The following PARD3 variants were observed in gnomAD, a reference collection of about 807,000 sequenced individuals.
The protein encoded by PARD3 is partitioning defective 3 homolog.
In PARD3, 75 loss-of-function variants were observed where a neutral mutation model predicts 155.4. The observed-to-expected ratio is 0.48, with a 90% CI of 0.40 to 0.58. The LOEUF (loss-of-function observed/expected upper bound fraction) is 0.58, where lower values mean the gene tolerates loss of function less well. Among genes scored for constraint, PARD3 ranks in the 20% least tolerant of loss-of-function variants. PARD3 has a pLI of 0.00. For synonymous variants in PARD3, 576 were observed against 610.5 expected (o/e 0.94, Z 0.83); for missense variants, 1,642 against 1,721.7 (o/e 0.95, Z 0.82).
chr10:34,651,299 G>C (rs935679831), intron 2 of PARD3, among the ~76,000 whole-genome samples: 1 of 152,140 alleles, frequency 6.6e-6, no homozygotes, highest in Non-Finnish European at 1.5e-5. Context: ...CTTAAGACTA[G>C]TCTTTCTCTC....
chr10:34,259,218 C>G (rs919555246), intron 22 of PARD3, among the ~76,000 whole-genome samples: 1 of 152,084 alleles, frequency 6.6e-6, no homozygotes, highest in Non-Finnish European at 1.5e-5. Flanking sequence ...GAAACAAATA[C>G]ACGATGGGTA....
Position 34,380,421 on chromosome 10 carries a change from A to G in PARD3, c.1399+2119T>C, listed in dbSNP as rs921548940. 1.6e-4 allele frequency among the ~76,000 whole-genome samples: 24 copies of G among 152,154 alleles called. 1 individual carries two copies. The highest frequency in any genetic ancestry group is 6.6e-5 in the Admixed American group (1 of 15,264). ...TAAATTAGCTTGTGTAAATGCAATC[A>G]TATTTTTCATTAAATGCTATTAAAA... On this transcript the variant is annotated intron_variant, in intron 9 of 24. Coordinates refer to ENST00000374788, the MANE Select transcript of PARD3 (RefSeq NM_001184785.2).
In PARD3 at chr10:34,336,178, A is replaced by G; in HGVS notation, c.2605+21T>C. 1.9e-6 allele frequency: 3 copies of G among 1,596,796 alleles called. No homozygotes were observed. The South Asian group carries it at 3.3e-5, about 18-fold the overall frequency. On this transcript the variant is annotated intron_variant, in intron 18 of 24. Transcript: ENST00000374788. ...TGTGGGCCATCGTTTCTATGGCAACAGTCTAACTGTCCATTCTTACCTGCT... is the reference window on the plus strand; with the variant it reads ...TGTGGGCCATCGTTTCTATGGCAACGGTCTAACTGTCCATTCTTACCTGCT...
rs1035728669 is a variant in PARD3, at chr10:34,109,898, T to C, written c.*1271A>G. On this transcript the variant is annotated 3_prime_UTR_variant, in exon 25 of 25. Coordinates refer to ENST00000374788, the MANE Select transcript of PARD3 (RefSeq NM_001184785.2). The stretch of plus-strand genomic sequence containing the variant: ...GTATGCTGAGCTTTCACCTCCAGCT[T>C]TTTCCACATCGGGATTCACAGGCAC... The C allele has an allele frequency of 2.6e-5, 4 of 152,018 alleles. No homozygotes were observed. Among genetic ancestry groups the C allele is most frequent in the Admixed American group, 6.5e-5 (1 of 15,278 alleles). The allele number at this position is 152,018 out of a possible 1,614,324, so 9.4% of individuals were successfully genotyped here. A position where few individuals can be genotyped will look rare whatever the true frequency, so the allele number is the denominator to read the frequency against.
At chr10:34,177,479 T>G (rs904458453) in intron 22 of PARD3, among the ~76,000 whole-genome samples, 2 of 152,162 alleles carry the variant, frequency 1.3e-5, no homozygotes, top group African/African-American at 4.8e-5. Flanking sequence ...TTTCAAAATG[T>G]TTAAGAAGGA....
At chr10:34,475,818 T>C (rs575413184) in intron 3 of PARD3, among the ~76,000 whole-genome samples, 1 of 152,308 alleles carries the variant, frequency 6.6e-6, no homozygotes, top group South Asian at 2.1e-4. Context: ...GCAACAAATA[T>C]TGCCCATTTT....
chr10:34,367,657 C>T (rs1840106689), intron 12 of PARD3, among the ~76,000 whole-genome samples: 1 of 152,082 alleles, frequency 6.6e-6, no homozygotes, highest in African/African-American at 2.4e-5. Flanking sequence ...GAGCCGAGAT[C>T]GAGCCACTGC....
At chr10:34,682,837 T>C (rs2093870499) in intron 2 of PARD3, among the ~76,000 whole-genome samples, 1 of 152,046 alleles carries the variant, frequency 6.6e-6, no homozygotes, top group Non-Finnish European at 1.5e-5. Flanking sequence ...ATCACTGCAC[T>C]CCAGCCTCGG....
At chr10:34,215,498 G>A (rs1951961584) in intron 22 of PARD3, among the ~76,000 whole-genome samples, 1 of 152,188 alleles carries the variant, frequency 6.6e-6, no homozygotes, top group African/African-American at 2.4e-5. Flanking sequence ...CGTGGAATTT[G>A]CTCTGTGAAC....
intron 2 of PARD3, among the ~76,000 whole-genome samples, chr10:34,529,291 T>G (rs2082679523): frequency 6.6e-6 from 1 of 152,196 alleles, no homozygotes; most frequent in South Asian, 2.1e-4. Flanking sequence ...TCCTCTTCCC[T>G]TCCTCCAAAC....
At chr10:34,748,443 C>G (rs1190756776) in intron 1 of PARD3, among the ~76,000 whole-genome samples, 1 of 152,080 alleles carries the variant, frequency 6.6e-6, no homozygotes. Context: ...GGCCACTGCA[C>G]TCCAGCCTGG....
chr10:34,753,839 T>C (rs1015361788), intron 1 of PARD3, among the ~76,000 whole-genome samples: 3 of 151,974 alleles, frequency 2.0e-5, no homozygotes, highest in Non-Finnish European at 4.4e-5. Flanking sequence ...TCTCAAAGTA[T>C]GCAGGGAGTC....
intron 2 of PARD3, among the ~76,000 whole-genome samples, chr10:34,678,241 T>C (rs2093748433): frequency 6.6e-6 from 1 of 151,950 alleles, no homozygotes; most frequent in African/African-American, 2.4e-5. Context: ...TGCCTGGCTA[T>C]TTTTGTATTT....
At chr10:34,776,003 T>C (rs768184523) in intron 1 of PARD3, among the ~76,000 whole-genome samples, 15 of 152,278 alleles carry the variant, frequency 9.9e-5, no homozygotes, top group African/African-American at 1.7e-4. Context: ...GGCAGAAGGA[T>C]TGATTGAGCT....
At chr10:34,292,166 A>T (rs1431551355) in intron 20 of PARD3, among the ~76,000 whole-genome samples, 3 of 152,220 alleles carry the variant, frequency 2.0e-5, no homozygotes, top group Non-Finnish European at 4.4e-5. Flanking sequence ...AAACCCATTC[A>T]GAGGGTAAAA....
intron 2 of PARD3, among the ~76,000 whole-genome samples, chr10:34,681,221 A>G (rs1416619944): frequency 1.3e-5 from 2 of 152,172 alleles, no homozygotes; most frequent in African/African-American, 4.8e-5. Flanking sequence ...GCTAAAATAA[A>G]GGCCCATAAA....
intron 5 of PARD3, among the ~76,000 whole-genome samples, chr10:34,420,624 G>C (rs1479126153): frequency 6.6e-6 from 1 of 152,126 alleles, no homozygotes; most frequent in Non-Finnish European, 1.5e-5. Context: ...TCTCTTGATG[G>C]TCACTGCCTA....
chr10:34,278,699 C>A (rs938785809), intron 21 of PARD3, among the ~76,000 whole-genome samples: 2 of 152,170 alleles, frequency 1.3e-5, no homozygotes, highest in African/African-American at 4.8e-5. Flanking sequence ...TGTAAGTTTC[C>A]TGAGGCCTCC....
chr10:34,728,456 G>GA lies in PARD3; in HGVS notation c.121-32038dup, dbSNP rs200777201. On this transcript the variant is annotated intron_variant, in intron 1 of 24. Transcript: ENST00000374788. ...CTGCAATGACGCAGGGGCACTTCAGGAAAAAAAACACCAAACCTCTCTTCA... is the reference window on the plus strand; with the variant it reads ...CTGCAATGACGCAGGGGCACTTCAGGAAAAAAAAACACCAAACCTCTCTTCA... 5.5e-3 allele frequency among the ~76,000 whole-genome samples: 839 copies of GA among 151,718 alleles called. 8 individuals carry two copies. The highest frequency in any genetic ancestry group is 0.019 in the African/African-American group (795 of 41,356).
Sources: allele counts gnomAD v4.1 joint callset (sites outside exome capture counted in the v4.1 genomes callset), GRCh38; gene constraint gnomAD v4.1.1; transcripts MANE v1.5; gene names NCBI Gene and HGNC (gene_info 2026-07-23, HGNC 2026-07-21).